The following MYH14 variants were observed in gnomAD, a reference collection of about 807,000 sequenced individuals.
MYH14 encodes myosin heavy chain 14.
A neutral mutation model predicts 255.5 loss-of-function variants in MYH14; 123 were observed. The observed-to-expected ratio is 0.48, with a 90% confidence interval of 0.42 to 0.56. The LOEUF (loss-of-function observed/expected upper bound fraction) is 0.56. MYH14 is among the 20% of genes least tolerant of loss of function. The probability of loss-of-function intolerance (pLI) is 0.00; values close to 1 mark genes in which losing one functional copy is unlikely to be tolerated. For missense variants in MYH14, 2,423 were observed against 2,802.3 expected, an observed-to-expected ratio of 0.86 and a Z score of 3.06; for synonymous variants, 1,095 against 1,161.2, an observed-to-expected ratio of 0.94 and a Z score of 1.16.
Position 50,309,881 on chromosome 19 carries a change from C to G in MYH14, c.*91C>G. 2 of 1,356,412 alleles carry G rather than the reference C, an allele frequency of 1.5e-6. No individual in the cohort carries two copies. Among genetic ancestry groups the G allele is most frequent in the Non-Finnish European group, 2.1e-6 (2 of 970,022 alleles). The allele number at this position is 1,356,412 out of a possible 1,614,324, so 84.0% of individuals were successfully genotyped here. The stretch of plus-strand genomic sequence containing the variant: ...GCCCCTGTCCCAGGAACCCCGCCCT[C>G]TGACTTCTTGCCCTTTGGAAATGGT... On this transcript the variant is annotated 3_prime_UTR_variant, in exon 43 of 43. Coordinates refer to ENST00000642316, the MANE Select transcript of MYH14 (RefSeq NM_001145809.2).
chr19:50,293,422 G>A lies in MYH14; in HGVS notation c.5345+101G>A, dbSNP rs2036154762. On this transcript the variant is annotated intron_variant, in intron 38 of 42. Coordinates refer to ENST00000642316, the MANE Select transcript of MYH14 (RefSeq NM_001145809.2). The surrounding 1 kb of genome is among the most constrained non-coding windows in gnomAD (Gnocchi z 4.1). The stretch of plus-strand genomic sequence containing the variant: ...GGGCTCTGGGACAGGAAACTGGGAG[G>A]TGGGCGGGGTTAACCTCGGGGCCCC... 4.6e-6 allele frequency: 7 copies of A among 1,516,026 alleles called. No homozygotes were observed. The highest frequency in any genetic ancestry group is 6.3e-6 in the Non-Finnish European group (7 of 1,113,214). 93.9% of individuals were successfully genotyped at this position (1,516,026 alleles called of 1,614,324 possible). A position where few individuals can be genotyped will look rare whatever the true frequency, so the allele number is the denominator to read the frequency against.
intron 12 of MYH14, among the ~76,000 whole-genome samples, chr19:50,247,935 C>A (rs888613446): frequency 6.6e-6 from 1 of 151,988 alleles, no homozygotes; most frequent in Non-Finnish European, 1.5e-5. Flanking sequence ...TGGCACACGC[C>A]TGTAGTCCCA....
At chr19:50,231,559 A>G (rs989707575) in intron 9 of MYH14, among the ~76,000 whole-genome samples, 1 of 151,844 alleles carries the variant, frequency 6.6e-6, no homozygotes, top group Non-Finnish European at 1.5e-5. Flanking sequence ...TAATAACAAT[A>G]ATAATAAGCT....
At chr19:50,233,073 C>T (rs2123242997) in intron 10 of MYH14, among the ~76,000 whole-genome samples, 1 of 152,222 alleles carries the variant, frequency 6.6e-6, no homozygotes, top group African/African-American at 2.4e-5. Flanking sequence ...GGACGCTGTC[C>T]CAGGGCTGCT....
Position 50,289,479 on chromosome 19 carries a change from C to T in MYH14, c.4796C>T (p.Ala1599Val), listed in dbSNP as rs2035995240. 1 of 1,612,810 alleles carries T rather than the reference C, an allele frequency of 6.2e-7. No individual in the cohort carries two copies. Among genetic ancestry groups the T allele is most frequent in the Non-Finnish European group, 8.5e-7 (1 of 1,179,538 alleles). ...ERACRVAEQA[A>V]NDLRAQVTEL... ...GCCTGCCGGGTAGCAGAACAGGCAG[C>T]CAATGATCTGCGAGCACAGGTGACA... Residue 1599 changes from alanine to valine, a missense_variant, in exon 35 of 43, where the codon GCC becomes GTC. Ala to Val is a moderately conservative substitution (Grantham distance 64). Coordinates refer to ENST00000642316, the MANE Select transcript of MYH14 (RefSeq NM_001145809.2).
At chr19:50,301,902 G>A (rs894075163) in intron 40 of MYH14, 33 bp downstream of exon 40, 11 of 1,546,866 alleles carry the variant, frequency 7.1e-6, no homozygotes, top group Admixed American at 3.7e-5. Flanking sequence ...GGAGAAAGGT[G>A]ACCTCCACAT....
intron 2 of MYH14, among the ~76,000 whole-genome samples, chr19:50,213,992 T>A (rs1203405842): frequency 1.3e-5 from 2 of 152,140 alleles, no homozygotes; most frequent in Non-Finnish European, 2.9e-5. Flanking sequence ...GCCTGGCTGA[T>A]TTTTTAATTT....
At chr19:50,238,043 A>G (rs1421250680) in intron 10 of MYH14, among the ~76,000 whole-genome samples, 1 of 152,242 alleles carries the variant, frequency 6.6e-6, no homozygotes, top group Non-Finnish European at 1.5e-5. Flanking sequence ...ATTTGGGGCC[A>G]ATCAAGGCAG....
chr19:50,288,878 C>T (rs1047152407), intron 34 of MYH14, among the ~76,000 whole-genome samples: 2 of 152,050 alleles, frequency 1.3e-5, no homozygotes, highest in Admixed American at 6.6e-5. Flanking sequence ...AAGGGGGAGT[C>T]TCTGAAAATT....
intron 5 of MYH14, 64 bp from the exon 6 acceptor site, chr19:50,224,090 T>G: frequency 1.6e-6 from 2 of 1,260,274 alleles, no homozygotes; most frequent in Non-Finnish European, 2.2e-6. Flanking sequence ...GGTTCACCTG[T>G]GTGTCTGTCC....
At chr19:50,249,543 G>A (rs1429099325) in intron 13 of MYH14, 107 bp from the exon 14 acceptor site, 3 of 1,245,910 alleles carry the variant, frequency 2.4e-6, no homozygotes, top group East Asian at 2.5e-5. Context: ...CTGGGTCTCT[G>A]TCCCCTCTCG....
At position 50,242,752 on chromosome 19, in the gene MYH14, G is replaced by A. The variant is rs531429777; in HGVS notation, c.1115-1490G>A. On this transcript the variant is annotated intron_variant, in intron 10 of 42. Transcript: ENST00000642316. ...TGAAATCAGTACTCCTGGTGTGTTC[G>A]TGGTCATTTACGGTCCTGCGTAGAA... is the stretch of plus-strand genomic sequence containing the variant. 2.4e-4 allele frequency among the ~76,000 whole-genome samples: 36 copies of A among 152,302 alleles called. 1 individual carries two copies. The highest frequency in any genetic ancestry group is 7.5e-4 in the African/African-American group (31 of 41,558).
chr19:50,227,002 G>C lies in MYH14; in HGVS notation c.874+36G>C, dbSNP rs778740501. 6 of 1,607,748 alleles carry C rather than the reference G, an allele frequency of 3.7e-6. No homozygotes were observed. In the Admixed American group the frequency reaches 8.3e-5, roughly 22 times the overall value. ...ACAGCCCATGGGGGTGGCAGCCAAG[G>C]GGGGCAGCCTTTCAGACAGCACTGA... is the stretch of plus-strand genomic sequence containing the variant. On this transcript the variant is annotated intron_variant, in intron 8 of 42. Transcript: ENST00000642316.
intron 11 of MYH14, among the ~76,000 whole-genome samples, chr19:50,245,301 C>T (rs921525756): frequency 1.3e-5 from 2 of 151,608 alleles, no homozygotes; most frequent in East Asian, 1.9e-4. Context: ...TGCCTGTAGT[C>T]CCAGCTGCTC....
chr19:50,278,019 G>C, intron 29 of MYH14, 64 bp from the exon 30 acceptor site: 2 of 1,295,556 alleles, frequency 1.5e-6, no homozygotes, highest in African/African-American at 1.5e-5. Flanking sequence ...CCTGAGATGG[G>C]AGTGTGCCTG....
chr19:50,293,716 C>T lies in MYH14; in HGVS notation c.5469+29C>T, dbSNP rs751415580. The T allele has an allele frequency of 7.8e-6, 12 of 1,532,304 alleles. No individual in the cohort carries two copies. The African/African-American group carries it at 8.3e-5, about 11-fold the overall frequency. The allele number at this position is 1,532,304 out of a possible 1,614,324, so 94.9% of individuals were successfully genotyped here. On this transcript the variant is annotated intron_variant, in intron 39 of 42. Transcript: ENST00000642316. This position sits in a 1 kb window ranked among gnomAD's most constrained non-coding sequence, Gnocchi z 4.1. The stretch of plus-strand genomic sequence containing the variant: ...AGCGTGATTGACCGCCCCCACCAGC[C>T]TCAGTCCCCATTGACCTGGGACCGT...
rs561482488 is a variant in MYH14, at chr19:50,221,976, T to G, written c.563-1107T>G. On this transcript the variant is annotated intron_variant, in intron 3 of 42. Transcript: ENST00000642316. This position sits in a 1 kb window ranked among gnomAD's most constrained non-coding sequence, Gnocchi z 5.3. ...TTCTTATTACCTAACACCAGGGTTTTGGAATCCTGGCTCTACTGACATTTG... is the reference window on the plus strand; with the variant it reads ...TTCTTATTACCTAACACCAGGGTTTGGGAATCCTGGCTCTACTGACATTTG... Among the ~76,000 whole-genome samples, 1 of 152,184 alleles carries G rather than the reference T, an allele frequency of 6.6e-6. No individual in the cohort carries two copies. Among genetic ancestry groups the G allele is most frequent in the Non-Finnish European group, 1.5e-5 (1 of 68,028 alleles).
intron 29 of MYH14, among the ~76,000 whole-genome samples, chr19:50,277,108 C>G (rs929726084): frequency 2.0e-5 from 3 of 152,128 alleles, no homozygotes; most frequent in Non-Finnish European, 4.4e-5. Context: ...CAGCCATGAA[C>G]CCAACAACCA....
At position 50,223,335 on chromosome 19, in the gene MYH14, G is replaced by C. The variant is rs2032933336; in HGVS notation, c.679G>C (p.Glu227Gln). ...GGCGTCGTCTCCAAAGGGCAGGAAGGAGCCGGGTGTCCCCGTAAGCAACCC... is the reference window on the plus strand; with the variant it reads ...GGCGTCGTCTCCAAAGGGCAGGAAGCAGCCGGGTGTCCCCGTAAGCAACCC... ...HVASSPKGRK[E>Q]PGVPASVSTV... The change falls in exon 5 of 43, where the codon GAG becomes CAG. Residue 227 changes from glutamate to glutamine, a missense_variant. Around this residue, in one of 3 missense-constraint regions of MYH14, gnomAD observed 672 missense variants for 881.8 expected, o/e 0.76. Transcript: ENST00000642316. 6.3e-7 allele frequency: 1 copy of C among 1,577,226 alleles called. No individual in the cohort carries two copies.
Sources: allele counts gnomAD v4.1 joint callset (sites outside exome capture counted in the v4.1 genomes callset), GRCh38; gene constraint gnomAD v4.1.1; regional missense constraint gnomAD v4.1.1; non-coding constraint Gnocchi (gnomAD v3.1); transcripts MANE v1.5; gene names NCBI Gene and HGNC (gene_info 2026-07-23, HGNC 2026-07-21).